XRCC5: variants seen among roughly 807,000 people sequenced by gnomAD.
XRCC5 encodes DNA repair protein Ku80.
XRCC5 carries 12 observed loss-of-function variants against 95.7 expected under a neutral mutation model. That is an observed-to-expected ratio of 0.13 (90% CI 0.08 to 0.20). The LOEUF is 0.20. XRCC5 is among the 10% of genes least tolerant of loss of function. The probability of loss-of-function intolerance (pLI) is 1.00; values close to 1 mark genes in which losing one functional copy is unlikely to be tolerated. For missense variants in XRCC5, 595 were observed against 873.9 expected (o/e 0.68, Z 4.02); for synonymous variants, 281 against 290.3 (o/e 0.97, Z 0.33).
chr2:216,122,377 C>T (rs962430711), intron 6 of XRCC5, 124 bp downstream of exon 6: 22 of 909,948 alleles, frequency 2.4e-5, no homozygotes, highest in Admixed American at 2.8e-5. Context: ...GCTTAATATT[C>T]TGAGTTTTAT....
At chr2:216,156,597 G>C (rs2106024384) in intron 14 of XRCC5, 1 of 577,028 alleles carries the variant, frequency 1.7e-6, no homozygotes, top group Non-Finnish European at 3.5e-6. Flanking sequence ...TGTGCCAGTA[G>C]AAGACCTGGA....
intron 1 of XRCC5, among the ~76,000 whole-genome samples, chr2:216,109,774 C>G (rs559649245): frequency 4.8e-5 from 7 of 144,930 alleles, no homozygotes; most frequent in African/African-American, 1.8e-4. Context: ...CTCTCTTTAT[C>G]CCATTCCACT....
At chr2:216,117,049 C>T in intron 3 of XRCC5, 1 of 595,316 alleles carries the variant, frequency 1.7e-6, no homozygotes, top group East Asian at 2.9e-5. Flanking sequence ...CCACTCACTT[C>T]CCTGTTCTCT....
At chr2:216,158,355 A>G (rs1323639785) in intron 14 of XRCC5, among the ~76,000 whole-genome samples, 1 of 152,226 alleles carries the variant, frequency 6.6e-6, no homozygotes. Context: ...AGTGAACGCC[A>G]TCAAGAAGGT....
intron 16 of XRCC5, among the ~76,000 whole-genome samples, chr2:216,189,539 A>T (rs1689575306): frequency 6.6e-6 from 1 of 152,180 alleles, no homozygotes; most frequent in Non-Finnish European, 1.5e-5. Context: ...CTATGAATGC[A>T]TTTTCTCTTT....
chr2:216,124,566 A>G (rs1696874175), intron 6 of XRCC5, among the ~76,000 whole-genome samples: 1 of 152,200 alleles, frequency 6.6e-6, no homozygotes, highest in Admixed American at 6.5e-5. Context: ...TTCATTCCTC[A>G]GCAAATCCAA....
At chr2:216,169,056 GA>G (rs1689105511) in intron 16 of XRCC5, among the ~76,000 whole-genome samples, 1 of 152,244 alleles carries the variant, frequency 6.6e-6, no homozygotes, top group Non-Finnish European at 1.5e-5. Context: ...GAAAGCCTGG[GA>G]AAGGCTATTC....
At chr2:216,179,248 C>G (rs1320059979) in intron 16 of XRCC5, among the ~76,000 whole-genome samples, 1 of 152,220 alleles carries the variant, frequency 6.6e-6, no homozygotes, top group African/African-American at 2.4e-5. Flanking sequence ...CTCTCCTTCT[C>G]TCTTAACAGG....
chr2:216,138,696 G>A (rs1697127536), intron 12 of XRCC5, among the ~76,000 whole-genome samples: 1 of 152,170 alleles, frequency 6.6e-6, no homozygotes, highest in Non-Finnish European at 1.5e-5. Flanking sequence ...GCATCTGGCT[G>A]CAAATGTCAG....
At chr2:216,110,921 C>A (rs923541301) in intron 1 of XRCC5, among the ~76,000 whole-genome samples, 6 of 151,522 alleles carry the variant, frequency 4.0e-5, no homozygotes, top group Non-Finnish European at 5.9e-5. Flanking sequence ...AATTTTACTT[C>A]AGAAATCTCT....
At chr2:216,189,077 T>C (rs1689564586) in intron 16 of XRCC5, among the ~76,000 whole-genome samples, 1 of 152,252 alleles carries the variant, frequency 6.6e-6, no homozygotes, top group Non-Finnish European at 1.5e-5. Flanking sequence ...AGTAGATTCT[T>C]AGCACCGATT....
At position 216,141,244 on chromosome 2, in the gene XRCC5, T is replaced by C. The variant is rs41296400; in HGVS notation, c.1401T>C (p.Asp467=). The stretch of plus-strand genomic sequence containing the variant: ...ACTCCATGAGCTTGGCAAAGAAAGA[T>C]GAGAAGACAGACACCCTTGAAGACT... ...LIDSMSLAKK[D]EKTDTLEDLF... is the part of the protein sequence containing the mutation. The change falls in exon 13 of 21, where the codon GAT becomes GAC. Residue 467 remains aspartate, a synonymous_variant. Transcript: ENST00000392132. 20 of 1,614,138 alleles carry C rather than the reference T, an allele frequency of 1.2e-5. No homozygotes were observed. In the Admixed American group the frequency reaches 3.2e-4, roughly 26 times the overall value.
intron 16 of XRCC5, among the ~76,000 whole-genome samples, chr2:216,173,376 G>A (rs1348872296): frequency 6.6e-6 from 1 of 152,072 alleles, no homozygotes; most frequent in African/African-American, 2.4e-5. Context: ...TCCTTTGTCA[G>A]CTTGAGAAAG....
chr2:216,183,929 A>G (rs1367722505), intron 16 of XRCC5, among the ~76,000 whole-genome samples: 3 of 152,144 alleles, frequency 2.0e-5, no homozygotes, highest in Non-Finnish European at 4.4e-5. Context: ...ATTAAAGACC[A>G]TGCAACTAGA....
At chr2:216,188,378 A>C (rs1689547603) in intron 16 of XRCC5, among the ~76,000 whole-genome samples, 1 of 152,240 alleles carries the variant, frequency 6.6e-6, no homozygotes, top group Admixed American at 6.5e-5. Flanking sequence ...AACTCCTCAA[A>C]GGCAAGGGCC....
chr2:216,181,966 A>G (rs1689397543), intron 16 of XRCC5, among the ~76,000 whole-genome samples: 2 of 152,200 alleles, frequency 1.3e-5, no homozygotes, highest in Admixed American at 1.3e-4. Flanking sequence ...CCCTAAGGAA[A>G]AATACCGTAT....
In XRCC5 at chr2:216,170,832, C is replaced by G. The variant is rs139067699; in HGVS notation, c.1834+8784C>G. Among the ~76,000 whole-genome samples, 9 of 152,304 alleles carry G rather than the reference C, an allele frequency of 5.9e-5. No individual in the cohort carries two copies. In the East Asian group the frequency reaches 1.2e-3, roughly 20 times the overall value. On this transcript the variant is annotated intron_variant, in intron 16 of 20. Transcript: ENST00000392132. Reference sequence around the variant, plus strand: ...ATGATTTGTGAGACAGAGAGCAGTTCAAGGATTTACTCATGGCAATTTGGT... The same window carrying G: ...ATGATTTGTGAGACAGAGAGCAGTTGAAGGATTTACTCATGGCAATTTGGT...
At chr2:216,111,445 G>A (rs1322609499) in intron 1 of XRCC5, 3 of 446,478 alleles carry the variant, frequency 6.7e-6, no homozygotes, top group South Asian at 1.6e-5. Context: ...GATCACTTGA[G>A]CCCGGGAGAT....
intron 3 of XRCC5, chr2:216,117,160 T>A: frequency 3.9e-6 from 1 of 253,914 alleles, no homozygotes; most frequent in Non-Finnish European, 7.6e-6. Context: ...GTGGTGCTCG[T>A]TAGAAATGTT....
Sources: allele counts gnomAD v4.1 joint callset (sites outside exome capture counted in the v4.1 genomes callset), GRCh38; gene constraint gnomAD v4.1.1; transcripts MANE v1.5; gene names NCBI Gene and HGNC (gene_info 2026-07-23, HGNC 2026-07-21).